The following KCNH4 variants were observed in gnomAD, a reference collection of about 807,000 sequenced individuals.
KCNH4 encodes the protein potassium voltage-gated channel subfamily H member 4, also known as voltage-gated delayed rectifier potassium channel KCNH4.
KCNH4 carries 33 observed loss-of-function variants against 90.7 expected under a neutral mutation model. That is an observed-to-expected ratio of 0.36 (90% CI 0.28 to 0.49). The LOEUF (loss-of-function observed/expected upper bound fraction) is 0.49, where lower values mean the gene tolerates loss of function less well. KCNH4 is among the 20% of genes least tolerant of loss of function. KCNH4 has a pLI of 0.98. For missense variants in KCNH4, 1,044 were observed against 1,387.1 expected (o/e 0.75, Z 3.93); for synonymous variants, 551 against 581.7 (o/e 0.95, Z 0.76).
In KCNH4 at chr17:42,176,121, A is replaced by T. The variant is rs1345743266; in HGVS notation, c.762T>A (p.Asp254Glu). The part of the protein sequence containing the change: ...VPYNVCFSGD[D>E]DTPITSRHTL... ...TGTGTCGCGAAGTGATGGGGGTGTC[A>T]TCGTCACCCGAGAAACAGACATTGT... The change falls in exon 5 of 17, where the codon GAT becomes GAA. Residue 254 changes from aspartate to glutamate, a missense_variant. Around this residue, in one of 4 missense-constraint regions of KCNH4, gnomAD observed 283 missense variants for 378.6 expected, o/e 0.75. Transcript: ENST00000264661. 6.2e-7 allele frequency: 1 copy of T among 1,613,708 alleles called. No homozygotes were observed. The highest frequency in any genetic ancestry group is 2.2e-5 in the East Asian group (1 of 44,878).
rs1377867703 is a variant in KCNH4 at position 42,169,626 on chromosome 17, T to C, written c.1441A>G (p.Met481Val). The change falls in exon 9 of 17, where the codon ATG (methionine) becomes GTG (valine). Residue 481 changes from methionine (M) to valine (V), a missense_variant. Met to Val is a conservative substitution (Grantham distance 21). Coordinates refer to ENST00000264661, the MANE Select transcript of KCNH4 (RefSeq NM_012285.3). ...FGNVTAIIQR[M>V]YSRRSLYHSR... is the part of the protein sequence containing the mutation. ...TGGTAGAGCGAGCGGCGCGAGTACATGCGCTGGATGATGGCTGTCACGTTC... is the reference window on the plus strand; with the variant it reads ...TGGTAGAGCGAGCGGCGCGAGTACACGCGCTGGATGATGGCTGTCACGTTC... 2 of 1,613,974 alleles carry C rather than the reference T, an allele frequency of 1.2e-6. No homozygotes were observed. Among genetic ancestry groups the C allele is most frequent in the East Asian group, 2.2e-5 (1 of 44,880 alleles).
chr17:42,171,742 G>C, intron 7 of KCNH4, 46 bp downstream of exon 7: 1 of 1,574,898 alleles, frequency 6.3e-7, no homozygotes, highest in Non-Finnish European at 8.7e-7. Context: ...TTGGGGATGG[G>C]ACAGGTGGAC....
intron 16 of KCNH4, among the ~76,000 whole-genome samples, chr17:42,159,228 T>C (rs1185442456): frequency 6.6e-6 from 1 of 152,174 alleles, no homozygotes; most frequent in African/African-American, 2.4e-5. Context: ...GGTTTCTGCA[T>C]GTTGGTCAGG....
intron 15 of KCNH4, 54 bp from the exon 16 acceptor site, chr17:42,160,489 A>G: frequency 6.6e-7 from 1 of 1,507,644 alleles, no homozygotes; most frequent in Non-Finnish European, 8.9e-7. Context: ...AACAAGGTGC[A>G]CCCCCCTCTC....
rs534133392 is a variant in KCNH4 at position 42,173,762 on chromosome 17, G to A, written c.988-1767C>T. On this transcript the variant is annotated intron_variant, in intron 6 of 16. Transcript: ENST00000264661. ...GTCGCCCAGGCTGGAGTGCAGTGGC[G>A]CAATCTCGGCTCACTGAAAGCTCTG... 3.6e-5 allele frequency among the ~76,000 whole-genome samples: 5 copies of A among 137,012 alleles called. No homozygotes were observed. In the South Asian group the frequency reaches 7.7e-4, roughly 21 times the overall value. 89.9% of individuals were successfully genotyped at this position (137,012 alleles called of 152,430 possible). A position where few individuals can be genotyped will look rare whatever the true frequency, so the allele number is the denominator to read the frequency against.
In KCNH4 at chr17:42,180,220, GGAATCTCTGGGTTC is replaced by G. The variant is rs1451840146; in HGVS notation, c.76+636_76+649del. Among the ~76,000 whole-genome samples the G allele has an allele frequency of 6.6e-6, 1 of 152,214 alleles. No homozygotes were observed. Among genetic ancestry groups the G allele is most frequent in the Admixed American group, 6.5e-5 (1 of 15,286 alleles). On this transcript the variant is annotated intron_variant, in intron 1 of 16. Transcript: ENST00000264661. This position sits in a 1 kb window ranked among gnomAD's most constrained non-coding sequence, Gnocchi z 4.7. ...GCGGGGTTGGGGGAGGTGAGGGCGG[GGAATCTCTGGGTTC>G]CAGAGTGGGAAGAGGGAATGGCGGG...
chr17:42,179,079 C>G (rs551924591), intron 1 of KCNH4, 53 bp from the exon 2 acceptor site: 1 of 1,375,972 alleles, frequency 7.3e-7, no homozygotes, highest in Non-Finnish European at 1.0e-6. Context: ...GAGCTAGCTT[C>G]CAGGTGGGCA....
chr17:42,164,034 G>A, intron 12 of KCNH4, 76 bp from the exon 13 acceptor site: 2 of 1,501,314 alleles, frequency 1.3e-6, no homozygotes, highest in Non-Finnish European at 1.8e-6. Context: ...GCCTTCGCCG[G>A]CGGATGCAGC....
intron 11 of KCNH4, among the ~76,000 whole-genome samples, chr17:42,164,486 G>A (rs1598269376): frequency 6.6e-6 from 1 of 152,182 alleles, no homozygotes; most frequent in Admixed American, 6.5e-5. Context: ...TGAAAGAGGA[G>A]CACATGAGGG....
chr17:42,160,565 G>A (rs749719298), intron 15 of KCNH4, 130 bp from the exon 16 acceptor site: 4 of 967,468 alleles, frequency 4.1e-6, no homozygotes, highest in Non-Finnish European at 5.9e-6. Flanking sequence ...GGCAGGATGA[G>A]GGTTATTTTT....
chr17:42,171,660 G>C (rs991979349), intron 7 of KCNH4, 128 bp downstream of exon 7: 4 of 891,866 alleles, frequency 4.5e-6, no homozygotes, highest in Admixed American at 1.8e-5. Context: ...TCCAGAAAGA[G>C]CTCAACGCAT....
chr17:42,176,361 G>T, intron 4 of KCNH4, 64 bp from the exon 5 acceptor site: 192 of 1,145,118 alleles, frequency 1.7e-4, no homozygotes, highest in East Asian at 2.5e-4. Flanking sequence ...TGGGGGGTGG[G>T]AAAGGCAGGG....
chr17:42,159,647 C>T lies in KCNH4; in HGVS notation c.*309+84G>A, dbSNP rs147525284. On this transcript the variant is annotated intron_variant, in intron 16 of 16. Coordinates refer to ENST00000264661, the MANE Select transcript of KCNH4 (RefSeq NM_012285.3). Reference sequence around the variant, plus strand: ...TACAACCTGTCTCTCTTGCTATAGACGCTAAGATCCTGTCTGGTCTTCCCT... The same window carrying T: ...TACAACCTGTCTCTCTTGCTATAGATGCTAAGATCCTGTCTGGTCTTCCCT... The T allele has an allele frequency of 8.3e-5, 14 of 169,514 alleles. No homozygotes were observed. The East Asian group carries it at 9.9e-4, about 12-fold the overall frequency. The allele number at this position is 169,514 out of a possible 1,614,324, so 10.5% of individuals were successfully genotyped here. A position where few individuals can be genotyped will look rare whatever the true frequency, so the allele number is the denominator to read the frequency against.
At chr17:42,172,021 G>A in intron 6 of KCNH4, 26 bp from the exon 7 acceptor site, 2 of 1,555,018 alleles carry the variant, frequency 1.3e-6, no homozygotes, top group Non-Finnish European at 1.7e-6. Context: ...GGGGGAGGCT[G>A]TCAGCAGGCA....
intron 16 of KCNH4, among the ~76,000 whole-genome samples, chr17:42,159,293 C>G (rs1056189272): frequency 6.6e-6 from 1 of 152,202 alleles, no homozygotes; most frequent in Non-Finnish European, 1.5e-5. Flanking sequence ...TCCCAAAGTG[C>G]TAGGATTACA....
intron 6 of KCNH4, among the ~76,000 whole-genome samples, chr17:42,175,033 A>G (rs1347704222): frequency 6.6e-6 from 1 of 152,142 alleles, no homozygotes; most frequent in Non-Finnish European, 1.5e-5. Context: ...GCCAGACTTC[A>G]GATCATTTTT....
chr17:42,163,212 C>T lies in KCNH4; in HGVS notation c.2584+16G>A. On this transcript the variant is annotated intron_variant, in intron 14 of 16. Coordinates refer to ENST00000264661, the MANE Select transcript of KCNH4 (RefSeq NM_012285.3). This position sits in a 1 kb window ranked among gnomAD's most constrained non-coding sequence, Gnocchi z 5.4. ...GCAGATGGATGACGGGGTTGAAGTC[C>T]ACTGTTGGCCCTTACCTGTAGGGGG... 6.4e-7 allele frequency: 1 copy of T among 1,560,558 alleles called. No homozygotes were observed. Among genetic ancestry groups the T allele is most frequent in the African/African-American group, 1.4e-5 (1 of 73,988 alleles).
intron 11 of KCNH4, among the ~76,000 whole-genome samples, chr17:42,164,393 A>T (rs1028794055): frequency 6.6e-5 from 10 of 152,226 alleles, no homozygotes; most frequent in South Asian, 4.1e-4. Flanking sequence ...CCTGGCCCAG[A>T]GCCTAAAACA....
chr17:42,178,814 T>G lies in KCNH4; in HGVS notation c.289A>C (p.Ile97Leu). 1 of 1,613,708 alleles carries G rather than the reference T, an allele frequency of 6.2e-7. No individual in the cohort carries two copies. Among genetic ancestry groups the G allele is most frequent in the Non-Finnish European group, 8.5e-7 (1 of 1,179,908 alleles). ...LEGHQEHRAE[I>L]CFYRKDGSAF... ...TCACCATCCTTGCGGTAGAAGCAGATTTCAGCCCGGTGCTCCTGGTGGCCC... is the reference window on the plus strand; with the variant it reads ...TCACCATCCTTGCGGTAGAAGCAGAGTTCAGCCCGGTGCTCCTGGTGGCCC... The change falls in exon 2 of 17, where the codon ATC becomes CTC. Residue 97 changes from isoleucine to leucine, a missense_variant. Ile to Leu is a conservative substitution (Grantham distance 5). This residue lies in a region of KCNH4 where 283 missense variants were observed against 378.6 expected (regional missense o/e 0.75). Transcript: ENST00000264661.
Sources: allele counts gnomAD v4.1 joint callset (sites outside exome capture counted in the v4.1 genomes callset), GRCh38; gene constraint gnomAD v4.1.1; regional missense constraint gnomAD v4.1.1; non-coding constraint Gnocchi (gnomAD v3.1); transcripts MANE v1.5; gene names NCBI Gene and HGNC (gene_info 2026-07-23, HGNC 2026-07-21).